Variants in SORD observed in about 807,000 individuals in gnomAD.
The protein encoded by SORD is sorbitol dehydrogenase.
Under a neutral mutation model 35.6 loss-of-function variants are expected in SORD, and 18 were observed. The ratio of observed to expected loss-of-function variants is 0.51; its 90% confidence interval spans 0.35 to 0.75. The LOEUF (loss-of-function observed/expected upper bound fraction) is 0.75. Among genes scored for constraint, SORD ranks in the 30% least tolerant of loss-of-function variants. The pLI is 0.01. For synonymous variants in SORD, 106 were observed against 152.9 expected (o/e 0.69, Z 2.26); for missense variants, 250 against 390.2 (o/e 0.64, Z 3.03).
At chr15:45,042,852 T>C (rs1595499479) in intron 2 of SORD, among the ~76,000 whole-genome samples, 1 of 151,314 alleles carries the variant, frequency 6.6e-6, no homozygotes, top group East Asian at 1.9e-4. Flanking sequence ...AGAGTTGATG[T>C]TGCAGTCTTG....
In SORD at chr15:45,048,696, A is replaced by G. The variant is rs558930461; in HGVS notation, c.265+5275A>G. 9.8e-5 allele frequency among the ~76,000 whole-genome samples: 15 copies of G among 152,320 alleles called. No homozygotes were observed. The South Asian group carries it at 2.5e-3, about 25-fold the overall frequency. ...ATCCAGAGTTCTTTGTCTCATGACCAGGAAAATTAAGGAGTGTGGACACCA... is the reference window on the plus strand; with the variant it reads ...ATCCAGAGTTCTTTGTCTCATGACCGGGAAAATTAAGGAGTGTGGACACCA... On this transcript the variant is annotated intron_variant, in intron 3 of 8. Coordinates refer to ENST00000267814, the MANE Select transcript of SORD (RefSeq NM_003104.6).
At chr15:45,067,600 G>A (rs1595508806) in intron 5 of SORD, among the ~76,000 whole-genome samples, 2 of 152,112 alleles carry the variant, frequency 1.3e-5, no homozygotes, top group South Asian at 4.1e-4. Flanking sequence ...AAACCATAGT[G>A]TCACATAGCA....
intron 1 of SORD, among the ~76,000 whole-genome samples, chr15:45,032,381 A>G (rs1164067629): frequency 6.6e-6 from 1 of 152,190 alleles, no homozygotes; most frequent in Non-Finnish European, 1.5e-5. Context: ...TTAGAATCAC[A>G]AAACATTATT....
intron 3 of SORD, among the ~76,000 whole-genome samples, chr15:45,051,492 T>C (rs1893122756): frequency 6.6e-6 from 1 of 152,208 alleles, no homozygotes; most frequent in African/African-American, 2.4e-5. Flanking sequence ...GTTAAATATG[T>C]TAGCGGTTCA....
intron 5 of SORD, among the ~76,000 whole-genome samples, chr15:45,067,009 T>A (rs150874514): frequency 6.6e-6 from 1 of 152,298 alleles, no homozygotes; most frequent in African/African-American, 2.4e-5. Context: ...GTATAGAATC[T>A]TTTAGTTAGT....
chr15:45,035,351 A>AT (rs1361055665), intron 1 of SORD, among the ~76,000 whole-genome samples: 2 of 152,146 alleles, frequency 1.3e-5, no homozygotes, highest in African/African-American at 2.4e-5. Context: ...GCTTGTAAAT[A>AT]TACCAATCGG....
intron 1 of SORD, among the ~76,000 whole-genome samples, chr15:45,026,513 G>T (rs1247472029): frequency 1.3e-5 from 2 of 152,116 alleles, no homozygotes; most frequent in Non-Finnish European, 2.9e-5. Context: ...TTTCTGGCTG[G>T]CTGGGGAACT....
In SORD at chr15:45,038,156, C is replaced by T. The variant is rs537977070; in HGVS notation, c.67-2252C>T. On this transcript the variant is annotated intron_variant, in intron 1 of 8. Transcript: ENST00000267814. Reference sequence around the variant, plus strand: ...CCTTCCTTCCTTCCTTCCTTCCTTCCTTCCTTCCTTCCTTCCTTCCTTCCT... The same window carrying T: ...CCTTCCTTCCTTCCTTCCTTCCTTCTTTCCTTCCTTCCTTCCTTCCTTCCT... 1.2e-3 allele frequency among the ~76,000 whole-genome samples: 169 copies of T among 146,188 alleles called. 5 individuals carry two copies. In the South Asian group the frequency reaches 0.031, roughly 27 times the overall value.
At chr15:45,039,062 A>G (rs1432905984) in intron 1 of SORD, among the ~76,000 whole-genome samples, 1 of 152,054 alleles carries the variant, frequency 6.6e-6, no homozygotes, top group African/African-American at 2.4e-5. Context: ...ACTAAGTGCT[A>G]TGGTGAGGAT....
intron 5 of SORD, among the ~76,000 whole-genome samples, chr15:45,066,262 AAGG>A (rs1390303120): frequency 6.6e-6 from 1 of 151,262 alleles, no homozygotes; most frequent in African/African-American, 2.4e-5. Flanking sequence ...AAAAAAAAAA[AAGG>A]AATTAATCTG....
chr15:45,054,472 G>T (rs947434361), intron 3 of SORD, among the ~76,000 whole-genome samples: 1 of 152,138 alleles, frequency 6.6e-6, no homozygotes, highest in Admixed American at 6.5e-5. Context: ...CATGTCCTTC[G>T]CCCACTTTTT....
rs752540495 is a variant in SORD at position 45,069,194 on chromosome 15, CTTTTTTTTTTTTTTTTT to C, written c.786+156_786+172del. The stretch of plus-strand genomic sequence containing the variant: ...CTTTTGCCATCTATGTTTTCTTTTT[CTTTTTTTTTTTTTTTTT>C]TTTTTTTTTTTTTGAGACAGAGTCT... On this transcript the variant is annotated intron_variant, in intron 7 of 8. Transcript: ENST00000267814. The C allele has an allele frequency of 4.4e-4, 51 of 116,996 alleles. 1 individual carries two copies. The highest frequency in any genetic ancestry group is 1.1e-3 in the African/African-American group (34 of 31,866). The allele number at this position is 116,996 out of a possible 1,614,324, so 7.2% of individuals were successfully genotyped here. A position where few individuals can be genotyped will look rare whatever the true frequency, so the allele number is the denominator to read the frequency against.
At chr15:45,031,271 A>C (rs1287948047) in intron 1 of SORD, among the ~76,000 whole-genome samples, 1 of 151,936 alleles carries the variant, frequency 6.6e-6, no homozygotes, top group Non-Finnish European at 1.5e-5. Context: ...TGAGCTATTA[A>C]TGTGCCAGCC....
rs1892617869 is a variant in SORD, at chr15:45,023,274, A to G, written c.-10A>G. 2.5e-5 allele frequency: 40 copies of G among 1,577,712 alleles called. No homozygotes were observed. The highest frequency in any genetic ancestry group is 3.2e-5 in the Non-Finnish European group (37 of 1,163,770). On this transcript the variant is annotated 5_prime_UTR_variant, in exon 1 of 9. Transcript: ENST00000267814. ...CCTTCCAGGCCGCACTCCAGAGCCA[A>G]AAGAGCTCCATGGCGGCGGCGGCCA...
intron 7 of SORD, among the ~76,000 whole-genome samples, chr15:45,071,383 C>A (rs575585123): frequency 0.014 from 2,065 of 152,288 alleles, 46 homozygotes; most frequent in African/African-American, 0.047. Context: ...ACCACTCAAA[C>A]CCTGAGTTCA....
chr15:45,055,434 A>T (rs2141277196), intron 3 of SORD, among the ~76,000 whole-genome samples: 1 of 152,320 alleles, frequency 6.6e-6, no homozygotes, highest in African/African-American at 2.4e-5. Context: ...CCCAAGACTA[A>T]ACCAGGAAGA....
intron 5 of SORD, 61 bp from the exon 6 acceptor site, chr15:45,068,120 A>G: frequency 7.7e-7 from 1 of 1,293,636 alleles, no homozygotes; most frequent in Non-Finnish European, 1.1e-6. Flanking sequence ...CATGGCCTGG[A>G]CAAGTGGGAG....
chr15:45,051,416 A>C (rs1254701624), intron 3 of SORD, among the ~76,000 whole-genome samples: 1 of 152,260 alleles, frequency 6.6e-6, no homozygotes, highest in African/African-American at 2.4e-5. Context: ...GGGGCCCGCT[A>C]TAATACCCAA....
chr15:45,042,205 AAACTGGCCAGGCGCG>A (rs1892977220), intron 2 of SORD, among the ~76,000 whole-genome samples: 1 of 152,124 alleles, frequency 6.6e-6, no homozygotes, highest in Non-Finnish European at 1.5e-5. Context: ...TAAACTTAGA[AAACTGGCCAGGCGCG>A]GTGGCTTAGG....
Sources: gnomAD v4.1 joint callset for allele counts (sites outside exome capture counted in the v4.1 genomes callset) on GRCh38, gnomAD v4.1.1 for gene constraint, MANE v1.5 for transcripts, NCBI Gene and HGNC (gene_info 2026-07-23, HGNC 2026-07-21) for gene names.